The following THOC5 variants were observed in gnomAD, a reference collection of about 807,000 sequenced individuals.
THOC5 encodes the protein THO complex subunit 5.
In THOC5, 43 loss-of-function variants were observed where a neutral mutation model predicts 92.9. That is an observed-to-expected ratio of 0.46 (90% CI 0.36 to 0.60). THOC5 has a LOEUF of 0.60. Among genes scored for constraint, THOC5 ranks in the 20% least tolerant of loss-of-function variants. THOC5 has a pLI of 0.00. For synonymous variants in THOC5, 296 were observed against 320.1 expected (o/e 0.92, Z 0.80); for missense variants, 659 against 849.4 (o/e 0.78, Z 2.79).
Position 29,508,295 on chromosome 22 carries a change from C to T in THOC5, c.*162G>A, listed in dbSNP as rs1281294168. On this transcript the variant is annotated 3_prime_UTR_variant, in exon 20 of 20. Coordinates refer to ENST00000490103, the MANE Select transcript of THOC5 (RefSeq NM_003678.5). ...CACCTGCCCTTCCAGACTGCAAAGC[C>T]ACCTTGCCAGGAACCACAGACAAAG... The T allele has an allele frequency of 1.4e-6, 1 of 701,660 alleles. No individual in the cohort carries two copies. Among genetic ancestry groups the T allele is most frequent in the Non-Finnish European group, 2.4e-6 (1 of 418,906 alleles). 43.5% of individuals were successfully genotyped at this position (701,660 alleles called of 1,614,324 possible).
intron 6 of THOC5, among the ~76,000 whole-genome samples, 168 bp downstream of exon 6, chr22:29,539,144 TATAACCCCAACCCCATCC>T (rs2063826343): frequency 6.6e-6 from 1 of 150,418 alleles, no homozygotes; most frequent in South Asian, 2.1e-4. Flanking sequence ...CTTAAGCAAT[TATAACCCCAACCCCATCC>T]ATGATGAGGT....
rs1053249051 is a variant in THOC5 at position 29,506,657 on chromosome 22, A to C, written c.*1800T>G. ...GCCACTGCACTCCAGCCTGGACAAC[A>C]GAGCAAGACCCTGTCTCAATAAAAA... On this transcript the variant is annotated 3_prime_UTR_variant, in exon 20 of 20. Coordinates refer to ENST00000490103, the MANE Select transcript of THOC5 (RefSeq NM_003678.5). The C allele has an allele frequency of 1.3e-5, 2 of 152,448 alleles. No individual in the cohort carries two copies. Among genetic ancestry groups the C allele is most frequent in the African/African-American group, 4.8e-5 (2 of 41,454 alleles). The allele number at this position is 152,448 out of a possible 1,614,324, so 9.4% of individuals were successfully genotyped here.
chr22:29,514,353 G>A (rs2063290404), intron 17 of THOC5, among the ~76,000 whole-genome samples: 1 of 141,092 alleles, frequency 7.1e-6, no homozygotes, highest in African/African-American at 2.7e-5. Context: ...GTCTCGCACT[G>A]TCACCCAGGC....
In THOC5 at chr22:29,525,732, C is replaced by T. The variant is rs563014246; in HGVS notation, c.1175+106G>A. 8.2e-4 allele frequency: 661 copies of T among 808,730 alleles called. 5 individuals are homozygous for T. Among genetic ancestry groups the T allele is most frequent in the South Asian group, 3.6e-3 (223 of 62,754 alleles). 50.1% of individuals were successfully genotyped at this position (808,730 alleles called of 1,614,324 possible). A position where few individuals can be genotyped will look rare whatever the true frequency, so the allele number is the denominator to read the frequency against. ...TGGATACAAGACAAGTCAACACAGC[C>T]GTAGCCCTCTCCAGAGCCAGAGGGA... On this transcript the variant is annotated intron_variant, in intron 12 of 19. Transcript: ENST00000490103.
chr22:29,511,614 T>C (rs951645889), intron 18 of THOC5, among the ~76,000 whole-genome samples: 3 of 152,284 alleles, frequency 2.0e-5, no homozygotes. Context: ...CATGGCATGT[T>C]TGACTTAGTA....
chr22:29,519,921 A>T, intron 14 of THOC5, 87 bp downstream of exon 14: 1 of 1,097,280 alleles, frequency 9.1e-7, no homozygotes, highest in Non-Finnish European at 1.3e-6. Context: ...GGCATGAGCC[A>T]CCGCACCTGG....
chr22:29,515,809 C>T (rs1320948579), intron 17 of THOC5, among the ~76,000 whole-genome samples: 1 of 151,846 alleles, frequency 6.6e-6, no homozygotes, highest in Admixed American at 6.6e-5. Context: ...CCAGTCTAGG[C>T]AACAGAGCAA....
rs542368030 is a variant in THOC5 at position 29,506,740 on chromosome 22, T to C, written c.*1717A>G. 1.3e-5 allele frequency: 2 copies of C among 152,392 alleles called. No homozygotes were observed. Among genetic ancestry groups the C allele is most frequent in the East Asian group, 3.9e-4 (2 of 5,186 alleles). 9.4% of individuals were successfully genotyped at this position (152,392 alleles called of 1,614,324 possible). On this transcript the variant is annotated 3_prime_UTR_variant, in exon 20 of 20. Coordinates refer to ENST00000490103, the MANE Select transcript of THOC5 (RefSeq NM_003678.5). ...ACTGTCCTGTATCTCTGTATGTGAT[T>C]GATTCTCCAACACCACTCTCGCCAT...
At chr22:29,528,026 G>T in intron 11 of THOC5, 52 bp downstream of exon 11, 1 of 1,574,968 alleles carries the variant, frequency 6.3e-7, no homozygotes, top group Non-Finnish European at 8.7e-7. Flanking sequence ...CCTGCAGCTG[G>T]GTGAACTCTT....
At chr22:29,519,862 G>C in intron 14 of THOC5, 146 bp downstream of exon 14, 1 of 477,354 alleles carries the variant, frequency 2.1e-6, no homozygotes, top group Non-Finnish European at 3.7e-6. Context: ...TCAAACTCCT[G>C]ACCTCAGGTG....
In THOC5 at chr22:29,515,966, AAAAAAC is replaced by A. The variant is rs1272605310; in HGVS notation, c.1681+1057_1681+1062del. Reference sequence around the variant, plus strand: ...AACATAGTAAGAACATGCCTCTACAAAAAAACAAAAACAAAAACAAAAAATCTTAGC... The same window carrying A: ...AACATAGTAAGAACATGCCTCTACAAAAAAACAAAAACAAAAAATCTTAGC... On this transcript the variant is annotated intron_variant, in intron 17 of 19. Transcript: ENST00000490103. Among the ~76,000 whole-genome samples the A allele has an allele frequency of 3.9e-5, 6 of 152,172 alleles. No homozygotes were observed. In the South Asian group the frequency reaches 6.2e-4, roughly 16 times the overall value.
chr22:29,535,162 G>A (rs1424660940), intron 7 of THOC5: 1 of 149,530 alleles, frequency 6.7e-6, no homozygotes, highest in Non-Finnish European at 1.5e-5. Context: ...TACTCAGGAG[G>A]CAGAGCAGGA....
chr22:29,542,476 G>A (rs923053399), intron 5 of THOC5, among the ~76,000 whole-genome samples: 6 of 152,206 alleles, frequency 3.9e-5, no homozygotes, highest in African/African-American at 1.4e-4. Context: ...TTTAAAGAGA[G>A]ACTTAGGCTG....
chr22:29,511,952 G>A, intron 18 of THOC5, 69 bp downstream of exon 18: 1 of 1,315,944 alleles, frequency 7.6e-7, no homozygotes, highest in Non-Finnish European at 1.1e-6. Flanking sequence ...CAGCTGCAGT[G>A]GGTTCTGCCA....
At chr22:29,549,603 C>T (rs1018993748) in intron 1 of THOC5, among the ~76,000 whole-genome samples, 1 of 152,156 alleles carries the variant, frequency 6.6e-6, no homozygotes, top group Non-Finnish European at 1.5e-5. Flanking sequence ...TAAAAAAGAC[C>T]GACCTAATTA....
chr22:29,516,400 T>C (rs1355521014), intron 17 of THOC5, among the ~76,000 whole-genome samples: 2 of 152,176 alleles, frequency 1.3e-5, no homozygotes, highest in East Asian at 1.9e-4. Context: ...GGAACTGTCT[T>C]AGAACTACAG....
chr22:29,539,611 A>G, intron 5 of THOC5, 135 bp from the exon 6 acceptor site: 1 of 899,152 alleles, frequency 1.1e-6, no homozygotes, highest in East Asian at 2.6e-5. Context: ...CTTCTCCACA[A>G]ATGCTCATTA....
chr22:29,509,230 C>T (rs2063176332), intron 19 of THOC5, among the ~76,000 whole-genome samples: 1 of 145,434 alleles, frequency 6.9e-6, no homozygotes, highest in Admixed American at 7.0e-5. Context: ...GAGCCGAGAT[C>T]ATGCTACTAC....
chr22:29,543,938 T>G (rs187412547), intron 3 of THOC5, among the ~76,000 whole-genome samples: 102 of 152,278 alleles, frequency 6.7e-4, no homozygotes, highest in Admixed American at 1.2e-3. Flanking sequence ...CTAGAATAGA[T>G]TGAATGCAAT....
Sources: gnomAD v4.1 joint callset for allele counts (sites outside exome capture counted in the v4.1 genomes callset) on GRCh38, gnomAD v4.1.1 for gene constraint, MANE v1.5 for transcripts, NCBI Gene and HGNC (gene_info 2026-07-23, HGNC 2026-07-21) for gene names.